The following UBN2 variants were observed in gnomAD, a reference collection of about 807,000 sequenced individuals.
The protein encoded by UBN2 is ubinuclein-2.
UBN2 carries 35 observed loss-of-function variants against 120.2 expected under a neutral mutation model. That is an observed-to-expected ratio of 0.29 (90% CI 0.22 to 0.39). The LOEUF (loss-of-function observed/expected upper bound fraction) is 0.39, where lower values mean the gene tolerates loss of function less well. Ranked by LOEUF, UBN2 falls within the 10% of genes least tolerant of loss-of-function variation. The probability of loss-of-function intolerance (pLI) is 1.00; values close to 1 mark genes in which losing one functional copy is unlikely to be tolerated. For missense variants in UBN2, 1,693 were observed against 1,663.2 expected (o/e 1.02, Z -0.31); for synonymous variants, 661 against 648.7 (o/e 1.02, Z -0.29).
At chr7:139,268,677 T>C (rs1797168238) in intron 7 of UBN2, among the ~76,000 whole-genome samples, 2 of 152,150 alleles carry the variant, frequency 1.3e-5, no homozygotes, top group African/African-American at 4.8e-5. Context: ...CCTGGAGCAG[T>C]GATGTGCTCA....
chr7:139,311,484 A>G (rs975450942), downstream of UBN2, among the ~76,000 whole-genome samples: 1 of 152,220 alleles, frequency 6.6e-6, no homozygotes, highest in African/African-American at 2.4e-5. Context: ...CACTCTAGAC[A>G]AGACGCTTTC....
chr7:139,282,098 C>A, intron 14 of UBN2, 43 bp downstream of exon 14: 1 of 1,586,418 alleles, frequency 6.3e-7, no homozygotes, highest in South Asian at 1.1e-5. Context: ...ATATAACACT[C>A]TAGGTTTGTT....
rs189482671 is a variant in UBN2 at position 139,254,444 on chromosome 7, A to T, written c.663+2387A>T. Among the ~76,000 whole-genome samples, 11 of 152,342 alleles carry T rather than the reference A, an allele frequency of 7.2e-5. No individual in the cohort carries two copies. In the East Asian group the frequency reaches 2.1e-3, roughly 29 times the overall value. Reference sequence around the variant, plus strand: ...AGGTTGTCAACCAATAAATCAGGGCATGGAATGTTTTCCGGAGTCTTGACC... The same window carrying T: ...AGGTTGTCAACCAATAAATCAGGGCTTGGAATGTTTTCCGGAGTCTTGACC... On this transcript the variant is annotated intron_variant, in intron 3 of 17. Transcript: ENST00000473989.
intron 17 of UBN2, among the ~76,000 whole-genome samples, chr7:139,294,670 G>A (rs769286427): frequency 6.6e-5 from 10 of 152,208 alleles, no homozygotes; most frequent in East Asian, 5.8e-4. Context: ...GTGAAACCCC[G>A]TCTCTATTAA....
rs199888439 is a variant in UBN2 at position 139,259,278 on chromosome 7, A to G, written c.813A>G (p.Ile271Met). Residue 271 changes from isoleucine (I) to methionine (M), a missense_variant, in exon 5 of 18, where the codon ATA (isoleucine) becomes ATG (methionine). Coordinates refer to ENST00000473989, the MANE Select transcript of UBN2 (RefSeq NM_173569.4). ...TTATCATTTTGCAGGTCCCCAAAAT[A>G]AAAGAAGATGATATTGAGATGAAGA... Reference protein sequence around the residue: ...QKHKPPKVPKIKEDDIEMKKR... With the variant: ...QKHKPPKVPKMKEDDIEMKKR... 199 of 1,612,916 alleles carry G rather than the reference A, an allele frequency of 1.2e-4. 1 individual carries two copies. The highest frequency in any genetic ancestry group is 1.3e-5 in the Non-Finnish European group (15 of 1,179,674).
rs1032540691 is a variant in UBN2 at position 139,306,445 on chromosome 7, C to T, written c.*8609C>T. The T allele has an allele frequency of 5.9e-5, 9 of 152,198 alleles. No individual in the cohort carries two copies. Among genetic ancestry groups the T allele is most frequent in the Non-Finnish European group, 1.0e-4 (7 of 68,040 alleles). 9.4% of individuals were successfully genotyped at this position (152,198 alleles called of 1,614,324 possible). A position where few individuals can be genotyped will look rare whatever the true frequency, so the allele number is the denominator to read the frequency against. Reference sequence around the variant, plus strand: ...TTATTCTCAGTTGACAAAAGTATTACTGTTATACATAGTTAATTGGAAAGT... The same window carrying T: ...TTATTCTCAGTTGACAAAAGTATTATTGTTATACATAGTTAATTGGAAAGT... On this transcript the variant is annotated 3_prime_UTR_variant, in exon 18 of 18. Coordinates refer to ENST00000473989, the MANE Select transcript of UBN2 (RefSeq NM_173569.4).
In UBN2 at chr7:139,300,936, A is replaced by G. The variant is rs1378144154; in HGVS notation, c.*3100A>G. ...ATTATAATTCAATTATAATTCTTGT[A>G]TGCTTTTGAGGTCAGAGGGTAAATG... On this transcript the variant is annotated 3_prime_UTR_variant, in exon 18 of 18. Coordinates refer to ENST00000473989, the MANE Select transcript of UBN2 (RefSeq NM_173569.4). 6.6e-6 allele frequency: 1 copy of G among 152,216 alleles called. No homozygotes were observed. The highest frequency in any genetic ancestry group is 1.5e-5 in the Non-Finnish European group (1 of 68,036). The allele number at this position is 152,216 out of a possible 1,614,324, so 9.4% of individuals were successfully genotyped here.
At chr7:139,329,411 C>T in the UBN2 span, among the ~76,000 whole-genome samples, 1 of 152,028 alleles carries the variant, frequency 6.6e-6, no homozygotes, top group Non-Finnish European at 1.5e-5. Flanking sequence ...ATTACTGTTG[C>T]TTGGACCCTA....
intron 13 of UBN2, among the ~76,000 whole-genome samples, chr7:139,279,777 C>G: frequency 6.6e-6 from 1 of 152,154 alleles, no homozygotes; most frequent in East Asian, 1.9e-4. Context: ...TTTTACGTTT[C>G]TTCTCAGAGC....
intron 5 of UBN2, among the ~76,000 whole-genome samples, chr7:139,259,782 T>G (rs892069750): frequency 6.6e-6 from 1 of 152,230 alleles, no homozygotes; most frequent in Non-Finnish European, 1.5e-5. Flanking sequence ...AGAGTCTCAC[T>G]GTATCACCCA....
intron 7 of UBN2, among the ~76,000 whole-genome samples, chr7:139,268,517 C>G (rs1342804561): frequency 4.7e-5 from 7 of 148,626 alleles, no homozygotes; most frequent in African/African-American, 1.8e-4. Flanking sequence ...GAATAGGGAA[C>G]CCCCCCTTTT....
At chr7:139,246,413 T>G (rs1306043767) in intron 2 of UBN2, among the ~76,000 whole-genome samples, 2 of 152,094 alleles carry the variant, frequency 1.3e-5, no homozygotes, top group African/African-American at 2.4e-5. Flanking sequence ...ATTCATTATG[T>G]TTAGGTGAAA....
chr7:139,257,958 GAGAC>G (rs1201601232), intron 3 of UBN2, among the ~76,000 whole-genome samples: 1 of 151,996 alleles, frequency 6.6e-6, no homozygotes, highest in Non-Finnish European at 1.5e-5. Flanking sequence ...ATTTTCAGTC[GAGAC>G]AGGATTTCAC....
chr7:139,308,461 G>A (rs1798402521), downstream of UBN2, among the ~76,000 whole-genome samples: 1 of 152,170 alleles, frequency 6.6e-6, no homozygotes. Flanking sequence ...GTCCATTTGT[G>A]TTCCATTGCT....
chr7:139,312,032 G>T (rs552346694), downstream of UBN2, among the ~76,000 whole-genome samples: 116 of 152,310 alleles, frequency 7.6e-4, no homozygotes, highest in African/African-American at 2.6e-3. Context: ...AGTATGTGCT[G>T]TGGATAATTT....
intron 5 of UBN2, among the ~76,000 whole-genome samples, chr7:139,260,583 A>G (rs1201249100): frequency 2.0e-5 from 3 of 152,132 alleles, no homozygotes; most frequent in Non-Finnish European, 4.4e-5. Context: ...TTCTTACTCT[A>G]CTTAGCAGTG....
chr7:139,295,994 G>T (rs1248330400), intron 17 of UBN2, among the ~76,000 whole-genome samples: 2 of 152,194 alleles, frequency 1.3e-5, no homozygotes, highest in Non-Finnish European at 2.9e-5. Context: ...TTGAGGATCA[G>T]ACTTGGATTT....
Position 139,231,467 on chromosome 7 carries a change from A to T in UBN2, c.-18A>T. 2.3e-6 allele frequency: 3 copies of T among 1,322,768 alleles called. No individual in the cohort carries two copies. Among genetic ancestry groups the T allele is most frequent in the Non-Finnish European group, 2.9e-6 (3 of 1,029,746 alleles). 81.9% of individuals were successfully genotyped at this position (1,322,768 alleles called of 1,614,324 possible). A position where few individuals can be genotyped will look rare whatever the true frequency, so the allele number is the denominator to read the frequency against. ...CGAGCGCCGGCTCGAGCAAAAGCGGAGGGCCAGAACAGTGGGGATGGCGGA... is the reference window on the plus strand; with the variant it reads ...CGAGCGCCGGCTCGAGCAAAAGCGGTGGGCCAGAACAGTGGGGATGGCGGA... On this transcript the variant is annotated 5_prime_UTR_variant, in exon 1 of 18. Coordinates refer to ENST00000473989, the MANE Select transcript of UBN2 (RefSeq NM_173569.4).
chr7:139,237,213 A>G (rs141335337), intron 2 of UBN2, 116 bp downstream of exon 2: 47 of 536,302 alleles, frequency 8.8e-5, no homozygotes, highest in Admixed American at 4.1e-4. Flanking sequence ...GTTCTCACCA[A>G]TGGAAACCAA....
Sources: allele counts gnomAD v4.1 joint callset (sites outside exome capture counted in the v4.1 genomes callset), GRCh38; gene constraint gnomAD v4.1.1; transcripts MANE v1.5; gene names NCBI Gene and HGNC (gene_info 2026-07-23, HGNC 2026-07-21).